Variants in CDK19 observed in about 807,000 individuals in gnomAD.
CDK19 encodes the protein cyclin-dependent kinase 19.
Under a neutral mutation model 68.3 loss-of-function variants are expected in CDK19, and 20 were observed. That is an observed-to-expected ratio of 0.29 (90% CI 0.21 to 0.43). CDK19 has a LOEUF of 0.43. Among genes scored for constraint, CDK19 ranks in the 20% least tolerant of loss-of-function variants. The pLI is 1.00. For missense variants in CDK19, 339 were observed against 623.5 expected, an observed-to-expected ratio of 0.54 and a Z score of 4.86; for synonymous variants, 221 against 222.8, an observed-to-expected ratio of 0.99 and a Z score of 0.07.
intron 2 of CDK19, among the ~76,000 whole-genome samples, chr6:110,698,007 A>G (rs1382818689): frequency 6.6e-6 from 1 of 152,184 alleles, no homozygotes; most frequent in African/African-American, 2.4e-5. Flanking sequence ...TTATACAGAA[A>G]TCAACTGAAG....
intron 3 of CDK19, among the ~76,000 whole-genome samples, chr6:110,669,616 A>G (rs894337073): frequency 6.6e-5 from 10 of 152,370 alleles, no homozygotes; most frequent in Non-Finnish European, 1.0e-4. Context: ...CCTTGTCTCT[A>G]TAAAACATTT....
intron 4 of CDK19, among the ~76,000 whole-genome samples, chr6:110,644,631 A>T (rs1780429731): frequency 6.6e-6 from 1 of 152,204 alleles, no homozygotes; most frequent in Non-Finnish European, 1.5e-5. Flanking sequence ...GTAACCCATA[A>T]ATATACACAT....
chr6:110,701,078 C>G (rs534243391), intron 2 of CDK19, among the ~76,000 whole-genome samples: 2 of 152,250 alleles, frequency 1.3e-5, no homozygotes, highest in South Asian at 4.1e-4. Context: ...GTGGCAGGCG[C>G]CTGTAGTCCC....
At chr6:110,664,203 T>C (rs1781783270) in intron 4 of CDK19, among the ~76,000 whole-genome samples, 1 of 152,206 alleles carries the variant, frequency 6.6e-6, no homozygotes, top group Non-Finnish European at 1.5e-5. Context: ...AGTGCTTCTT[T>C]ACCTCAGAAG....
intron 2 of CDK19, among the ~76,000 whole-genome samples, chr6:110,712,791 A>G (rs1459789563): frequency 6.6e-6 from 1 of 152,248 alleles, no homozygotes; most frequent in Admixed American, 6.5e-5. Context: ...TAGTGCCAAT[A>G]GAACAGAATA....
intron 2 of CDK19, among the ~76,000 whole-genome samples, chr6:110,682,548 G>T (rs999554345): frequency 2.6e-5 from 4 of 151,988 alleles, no homozygotes; most frequent in Non-Finnish European, 5.9e-5. Context: ...CTCTGAAAAG[G>T]GGTCTGTACA....
rs1432138589 is a variant in CDK19 at position 110,612,474 on chromosome 6, T to C, written c.*2061A>G. 6.6e-6 allele frequency: 1 copy of C among 152,550 alleles called. No individual in the cohort carries two copies. Among genetic ancestry groups the C allele is most frequent in the African/African-American group, 2.4e-5 (1 of 41,446 alleles). 9.4% of individuals were successfully genotyped at this position (152,550 alleles called of 1,614,324 possible). A position where few individuals can be genotyped will look rare whatever the true frequency, so the allele number is the denominator to read the frequency against. ...TCATATTATAAGACAGTTTCACTTG[T>C]AAGTCAATCACATGGCACAGACATC... On this transcript the variant is annotated 3_prime_UTR_variant, in exon 13 of 13. Coordinates refer to ENST00000368911, the MANE Select transcript of CDK19 (RefSeq NM_015076.5).
intron 6 of CDK19, among the ~76,000 whole-genome samples, chr6:110,631,387 G>A (rs577459024): frequency 1.2e-4 from 18 of 152,262 alleles, no homozygotes; most frequent in African/African-American, 4.3e-4. Flanking sequence ...GGATACTGCA[G>A]TCACCAGGTA....
At position 110,638,657 on chromosome 6, in the gene CDK19, A is replaced by C; in HGVS notation, c.506T>G (p.Val169Gly). 1 of 1,488,212 alleles carries C rather than the reference A, an allele frequency of 6.7e-7. No individual in the cohort carries two copies. The highest frequency in any genetic ancestry group is 2.3e-5 in the East Asian group (1 of 43,720). 92.2% of individuals were successfully genotyped at this position (1,488,212 alleles called of 1,614,324 possible). A position where few individuals can be genotyped will look rare whatever the true frequency, so the allele number is the denominator to read the frequency against. Residue 169 changes from valine (V) to glycine (G), a missense_variant, in exon 5 of 13, where the codon GTC (valine) becomes GGC (glycine). Around this residue, in one of 4 missense-constraint regions of CDK19, gnomAD observed 120 missense variants for 224.0 expected, o/e 0.54. Coordinates refer to ENST00000368911, the MANE Select transcript of CDK19 (RefSeq NM_015076.5). ...TAGGAATAATTACCTACCTATTTTG[A>C]CTCTCCCCCTCTCAGGACCTTCTCC... Reference protein sequence around the residue: ...VMGEGPERGRVKIADMGFARL... With the variant: ...VMGEGPERGRGKIADMGFARL...
intron 1 of CDK19, among the ~76,000 whole-genome samples, chr6:110,773,546 CAGAGT>C (rs1229708691): frequency 6.6e-6 from 1 of 152,126 alleles, no homozygotes; most frequent in Non-Finnish European, 1.5e-5. Context: ...ACGAAGAAAT[CAGAGT>C]AAAGCTAGGT....
intron 4 of CDK19, among the ~76,000 whole-genome samples, chr6:110,652,982 C>T (rs1293107387): frequency 6.6e-6 from 1 of 152,054 alleles, no homozygotes; most frequent in Non-Finnish European, 1.5e-5. Context: ...CAGAGAAGGG[C>T]TCCTGTAGTC....
chr6:110,755,780 A>G (rs1429562618), intron 1 of CDK19, among the ~76,000 whole-genome samples: 2 of 152,182 alleles, frequency 1.3e-5, no homozygotes, highest in Non-Finnish European at 2.9e-5. Context: ...GTTTTCCAGC[A>G]AGAGAAACAT....
Position 110,725,515 on chromosome 6 carries a change from G to A in CDK19, c.204+20611C>T, listed in dbSNP as rs542261684. Among the ~76,000 whole-genome samples, 14 of 152,160 alleles carry A rather than the reference G, an allele frequency of 9.2e-5. No individual in the cohort carries two copies. In the East Asian group the frequency reaches 1.7e-3, roughly 19 times the overall value. Reference sequence around the variant, plus strand: ...ATGCAAAAAGATTTAAAATATCTTAGCATTGATTTTACAAAATCAGTAGAC... The same window carrying A: ...ATGCAAAAAGATTTAAAATATCTTAACATTGATTTTACAAAATCAGTAGAC... On this transcript the variant is annotated intron_variant, in intron 2 of 12. Transcript: ENST00000368911.
At chr6:110,794,480 C>A (rs1385892231) in intron 1 of CDK19, among the ~76,000 whole-genome samples, 1 of 150,668 alleles carries the variant, frequency 6.6e-6, no homozygotes, top group African/African-American at 2.4e-5. Flanking sequence ...TGGCTCACTG[C>A]AACCTCTGCC....
chr6:110,784,116 A>G (rs1193140807), intron 1 of CDK19, among the ~76,000 whole-genome samples: 1 of 143,832 alleles, frequency 7.0e-6, no homozygotes, highest in Non-Finnish European at 1.5e-5. Flanking sequence ...CCAAGATCAC[A>G]CCACTGCATT....
chr6:110,646,789 G>A lies in CDK19; in HGVS notation c.457-8083C>T, dbSNP rs549720746. Among the ~76,000 whole-genome samples the A allele has an allele frequency of 2.0e-5, 3 of 152,138 alleles. No homozygotes were observed. In the South Asian group the frequency reaches 6.2e-4, roughly 32 times the overall value. ...TGAGTTCTGGCGTCTGACTCATCGT[G>A]GGGTGGCGGGCAAACCTTGGAAGGC... is the stretch of plus-strand genomic sequence containing the variant. On this transcript the variant is annotated intron_variant, in intron 4 of 12. Coordinates refer to ENST00000368911, the MANE Select transcript of CDK19 (RefSeq NM_015076.5).
Position 110,734,569 on chromosome 6 carries a change from G to A in CDK19, c.204+11557C>T, listed in dbSNP as rs1582981769. ...TCTCTCTCTCTCTCTCTCATGTCTG[G>A]GCTTTCCTCCATGCTGTTTCAGACC... is the stretch of plus-strand genomic sequence containing the variant. On this transcript the variant is annotated intron_variant, in intron 2 of 12. Transcript: ENST00000368911. 1.6e-4 allele frequency among the ~76,000 whole-genome samples: 4 copies of A among 24,290 alleles called. 1 individual carries two copies. Among genetic ancestry groups the A allele is most frequent in the Admixed American group, 1.5e-3 (2 of 1,318 alleles). The allele number at this position is 24,290 out of a possible 152,430, so 15.9% of individuals were successfully genotyped here. A position where few individuals can be genotyped will look rare whatever the true frequency, so the allele number is the denominator to read the frequency against.
At chr6:110,685,881 C>T (rs984516652) in intron 2 of CDK19, among the ~76,000 whole-genome samples, 2 of 152,170 alleles carry the variant, frequency 1.3e-5, no homozygotes, top group Non-Finnish European at 2.9e-5. Context: ...GACAAGTGGG[C>T]TTTCCCCTGC....
At chr6:110,695,769 T>C (rs1440089291) in intron 2 of CDK19, among the ~76,000 whole-genome samples, 3 of 151,232 alleles carry the variant, frequency 2.0e-5, no homozygotes, top group African/African-American at 7.3e-5. Context: ...TTCCTGAAAA[T>C]ATACAACCCT....
Sources: allele counts gnomAD v4.1 joint callset (sites outside exome capture counted in the v4.1 genomes callset), GRCh38; gene constraint gnomAD v4.1.1; regional missense constraint gnomAD v4.1.1; transcripts MANE v1.5; gene names NCBI Gene and HGNC (gene_info 2026-07-23, HGNC 2026-07-21).